Variants in MED13L observed in about 807,000 individuals in gnomAD.
The protein encoded by MED13L is mediator of RNA polymerase II transcription subunit 13-like.
Under a neutral mutation model 220.9 loss-of-function variants are expected in MED13L, and 7 were observed. The observed-to-expected ratio is 0.03, with a 90% CI of 0.02 to 0.06. The LOEUF (loss-of-function observed/expected upper bound fraction) is 0.06. Among genes scored for constraint, MED13L ranks in the 10% least tolerant of loss-of-function variants. The probability of loss-of-function intolerance (pLI) is 1.00; values close to 1 mark genes in which losing one functional copy is unlikely to be tolerated. For missense variants in MED13L, 1,965 were observed against 2,760.5 expected (o/e 0.71, Z 6.46); for synonymous variants, 1,011 against 1,015.2 (o/e 1.00, Z 0.08).
chr12:116,040,544 C>T (rs1222988269), intron 4 of MED13L, among the ~76,000 whole-genome samples: 1 of 152,144 alleles, frequency 6.6e-6, no homozygotes, highest in Admixed American at 6.5e-5. Context: ...CATTGCCTTT[C>T]TTTGGATCAG....
At chr12:116,016,724 T>C (rs2137421924) in intron 7 of MED13L, among the ~76,000 whole-genome samples, 1 of 152,344 alleles carries the variant, frequency 6.6e-6, no homozygotes, top group South Asian at 2.1e-4. Context: ...CTGAGTGGTA[T>C]CTTAGATGGA....
intron 2 of MED13L, among the ~76,000 whole-genome samples, chr12:116,135,514 A>G (rs1876461546): frequency 1.3e-5 from 2 of 152,214 alleles, no homozygotes; most frequent in African/African-American, 4.8e-5. Context: ...CATATCTATT[A>G]TGCCCTTTCC....
chr12:116,061,629 G>A (rs980825319), intron 4 of MED13L, among the ~76,000 whole-genome samples: 10 of 152,086 alleles, frequency 6.6e-5, no homozygotes, highest in Non-Finnish European at 1.5e-4. Context: ...CTTCATCAAT[G>A]CGCATCCCAA....
intron 1 of MED13L, among the ~76,000 whole-genome samples, chr12:116,245,959 G>T (rs781638132): frequency 3.3e-5 from 5 of 152,110 alleles, no homozygotes; most frequent in Admixed American, 6.5e-5. Flanking sequence ...CTCGCGGAAG[G>T]CATATCACTG....
chr12:116,203,465 T>C (rs1384721563), intron 2 of MED13L, among the ~76,000 whole-genome samples: 1 of 151,912 alleles, frequency 6.6e-6, no homozygotes, highest in East Asian at 1.9e-4. Context: ...AACAGTCCAG[T>C]GCTAGAGCTG....
At chr12:116,122,638 T>C (rs1875198814) in intron 2 of MED13L, among the ~76,000 whole-genome samples, 1 of 152,188 alleles carries the variant, frequency 6.6e-6, no homozygotes, top group East Asian at 1.9e-4. Flanking sequence ...ATTTGCAACC[T>C]TAAGTGATTA....
chr12:116,147,602 A>G (rs1353357011), intron 2 of MED13L, among the ~76,000 whole-genome samples: 3 of 152,180 alleles, frequency 2.0e-5, no homozygotes, highest in Non-Finnish European at 4.4e-5. Flanking sequence ...GTCATCTTGT[A>G]TTAACGACTC....
chr12:115,970,790 A>G lies in MED13L; in HGVS notation c.5891-20T>C. 1 of 1,609,368 alleles carries G rather than the reference A, an allele frequency of 6.2e-7. No individual in the cohort carries two copies. The highest frequency in any genetic ancestry group is 8.5e-7 in the Non-Finnish European group (1 of 1,177,350). ...CAGCATCTTTAAAGAAAAAAATAGA[A>G]TTATATCAATCAATGAACAACCCCA... On this transcript the variant is annotated intron_variant, in intron 26 of 30. Coordinates refer to ENST00000281928, the MANE Select transcript of MED13L (RefSeq NM_015335.5).
chr12:116,092,186 A>C (rs1286716371), intron 4 of MED13L, among the ~76,000 whole-genome samples: 3 of 152,356 alleles, frequency 2.0e-5, no homozygotes, highest in Admixed American at 2.0e-4. Flanking sequence ...TTTATGAGTA[A>C]AACAGAAAAA....
intron 4 of MED13L, among the ~76,000 whole-genome samples, chr12:116,088,623 T>C (rs1263381829): frequency 2.6e-5 from 4 of 150,984 alleles, no homozygotes; most frequent in Non-Finnish European, 4.4e-5. Flanking sequence ...AACCCTAGGA[T>C]AAAAGAAGTA....
intron 4 of MED13L, among the ~76,000 whole-genome samples, chr12:116,034,036 G>C (rs1881020188): frequency 6.6e-6 from 1 of 151,902 alleles, no homozygotes; most frequent in African/African-American, 2.4e-5. Flanking sequence ...TGCTTGCGTT[G>C]ATGTTTTGCT....
rs760709095 is a variant in MED13L, at chr12:115,996,627, T to C, written c.2845A>G (p.Met949Val). 16 of 1,613,900 alleles carry C rather than the reference T, an allele frequency of 9.9e-6. No homozygotes were observed. The African/African-American group carries it at 1.9e-4, about 19-fold the overall frequency. The change falls in exon 16 of 31, where the codon ATG becomes GTG. Residue 949 changes from methionine to valine, a missense_variant. Physicochemically the swap from Met to Val is conservative, Grantham distance 21. Coordinates refer to ENST00000281928, the MANE Select transcript of MED13L (RefSeq NM_015335.5). The part of the protein sequence containing the change: ...PSFQPFVGSS[M>V]FAPLKMLPSH... ...GGCAACATCTTCAGTGGAGCAAACA[T>C]GGAGGATCCCACAAAAGGTTGAAAG...
At chr12:115,993,984 C>T (rs1470511998) in intron 16 of MED13L, among the ~76,000 whole-genome samples, 4 of 152,146 alleles carry the variant, frequency 2.6e-5, no homozygotes, top group South Asian at 2.1e-4. Flanking sequence ...AGCAGGATTA[C>T]ACATATGCTG....
At chr12:116,061,734 G>A (rs1221893112) in intron 4 of MED13L, among the ~76,000 whole-genome samples, 5 of 152,110 alleles carry the variant, frequency 3.3e-5, no homozygotes, top group Admixed American at 2.0e-4. Context: ...AAGGCCAGGC[G>A]TAGTGGCTCA....
rs755349611 is a variant in MED13L, at chr12:115,982,570, C to T, written c.4989G>A (p.Thr1663=). The T allele has an allele frequency of 5.9e-5, 96 of 1,613,918 alleles. No homozygotes were observed. The highest frequency in any genetic ancestry group is 1.2e-4 in the South Asian group (11 of 91,090). ...VTERERIGIP[T]EPDSADSHAH... is the part of the protein sequence containing the mutation. The stretch of plus-strand genomic sequence containing the variant: ...CATGGCTGTCTGCAGAGTCAGGCTC[C>T]GTGGGAATTCCTATTCTCTCCCTTT... The change falls in exon 22 of 31, where the codon ACG becomes ACA. Residue 1663 remains threonine (T), a synonymous_variant. Coordinates refer to ENST00000281928, the MANE Select transcript of MED13L (RefSeq NM_015335.5).
Position 116,098,773 on chromosome 12 carries a change from T to TA in MED13L, c.396-2022dup, listed in dbSNP as rs566823225. On this transcript the variant is annotated intron_variant, in intron 3 of 30. Coordinates refer to ENST00000281928, the MANE Select transcript of MED13L (RefSeq NM_015335.5). Reference sequence around the variant, plus strand: ...ATCTCTTTTCCTAAGCTTATAAGTTTAAAAAAAAATGCTTTTTAGGGGTAA... The same window carrying TA: ...ATCTCTTTTCCTAAGCTTATAAGTTTAAAAAAAAAATGCTTTTTAGGGGTAA... Among the ~76,000 whole-genome samples the TA allele has an allele frequency of 6.6e-3, 1,004 of 151,428 alleles. 9 individuals are homozygous for TA. Among genetic ancestry groups the TA allele is most frequent in the African/African-American group, 0.023 (950 of 41,292 alleles).
chr12:115,987,387 G>T, intron 17 of MED13L, 99 bp from the exon 18 acceptor site: 1 of 1,088,144 alleles, frequency 9.2e-7, no homozygotes, highest in Non-Finnish European at 1.4e-6. Context: ...GAACAATGAC[G>T]TTATTAGCTG....
intron 2 of MED13L, chr12:116,236,905 T>C: frequency 1.2e-5 from 12 of 982,322 alleles, no homozygotes; most frequent in Non-Finnish European, 1.5e-5. Flanking sequence ...AATCACCAAA[T>C]TACATGAAAA....
intron 2 of MED13L, among the ~76,000 whole-genome samples, chr12:116,205,013 A>AACTG (rs1882224777): frequency 6.6e-6 from 1 of 152,186 alleles, no homozygotes; most frequent in Admixed American, 6.5e-5. Flanking sequence ...CTAGAACACC[A>AACTG]TAAACCCTTT....
Sources: gnomAD v4.1 joint callset for allele counts (sites outside exome capture counted in the v4.1 genomes callset) on GRCh38, gnomAD v4.1.1 for gene constraint, MANE v1.5 for transcripts, NCBI Gene and HGNC (gene_info 2026-07-23, HGNC 2026-07-21) for gene names.